The following ZMAT1 variants were observed in gnomAD, a reference collection of about 807,000 sequenced individuals.
ZMAT1 encodes the protein zinc finger matrin-type 1, also known as zinc finger matrin-type protein 1.
A neutral mutation model predicts 18.5 loss-of-function variants in ZMAT1; 11 were observed. The ratio of observed to expected loss-of-function variants is 0.59; its 90% CI spans 0.37 to 0.98. The LOEUF is 0.98. Ranked by LOEUF, ZMAT1 falls within the 50% of genes least tolerant of loss-of-function variation. The pLI is 0.01. For missense variants in ZMAT1, 525 were observed against 496.2 expected, an observed-to-expected ratio of 1.06 and a Z score of -0.55; for synonymous variants, 211 against 176.4, an observed-to-expected ratio of 1.20 and a Z score of -1.55.
At chrX:101,927,056 G>A (rs757989159) in intron 1 of ZMAT1, among the ~76,000 whole-genome samples, 106 of 112,313 alleles carry the variant, frequency 9.4e-4, no homozygotes, top group African/African-American at 3.2e-3. Flanking sequence ...TACAAAATCT[G>A]AGAAATAATC....
At chrX:101,930,907 G>T (rs1930437203) in intron 1 of ZMAT1, among the ~76,000 whole-genome samples, 1 of 112,228 alleles carries the variant, frequency 8.9e-6, no homozygotes, top group Non-Finnish European at 1.9e-5. Flanking sequence ...ATCTTTTTAT[G>T]TTAGGAGTAA....
At chrX:101,924,485 A>T (rs1456157259) in intron 1 of ZMAT1, among the ~76,000 whole-genome samples, 3 of 112,304 alleles carry the variant, frequency 2.7e-5, no homozygotes, top group African/African-American at 9.7e-5. Flanking sequence ...TATGAAGTGG[A>T]ATATACCATC....
chrX:101,920,457 G>A (rs1929647098), intron 1 of ZMAT1, among the ~76,000 whole-genome samples: 1 of 110,904 alleles, frequency 9.0e-6, no homozygotes, highest in Non-Finnish European at 1.9e-5. Flanking sequence ...TCTCTTTGTG[G>A]GTGTAATAAA....
chrX:101,891,323 C>G (rs1927376591), intron 4 of ZMAT1, among the ~76,000 whole-genome samples: 1 of 111,456 alleles, frequency 9.0e-6, no homozygotes, highest in African/African-American at 3.3e-5. Flanking sequence ...GGGTGGTGAT[C>G]CCATTAACTG....
intron 1 of ZMAT1, among the ~76,000 whole-genome samples, chrX:101,907,255 C>G (rs12836059): frequency 8.9e-6 from 1 of 111,782 alleles, no homozygotes; most frequent in Non-Finnish European, 1.9e-5. Context: ...TGGATACAGG[C>G]TCCAGGCCTG....
chrX:101,908,025 C>G (rs1466302533), intron 1 of ZMAT1, among the ~76,000 whole-genome samples: 1 of 112,019 alleles, frequency 8.9e-6, no homozygotes, highest in Admixed American at 9.4e-5. Context: ...ATTACATGGA[C>G]TAAAAAGGCT....
At position 101,931,720 on chromosome X, in the gene ZMAT1, C is replaced by G. The variant is rs1405452515; in HGVS notation, c.289G>C (p.Glu97Gln). The G allele has an allele frequency of 1.1e-5, 8 of 761,038 alleles. No individual in the cohort carries two copies. The highest frequency in any genetic ancestry group is 4.7e-6 in the Non-Finnish European group (3 of 644,254). The allele number at this position is 761,038 out of a possible 1,213,427, so 62.7% of individuals were successfully genotyped here. ...FKVDTRPCLREDAIWNEQEKA... is the reference protein window; with the variant it reads ...FKVDTRPCLRQDAIWNEQEKA... The stretch of plus-strand genomic sequence containing the variant: ...GCACCCCGGGACGGGAACTCACCTT[C>G]TCTGAGGCAAGGGCGGGTGTCTACT... The change falls in exon 1 of 6, where the codon GAA (glutamate) becomes CAA (glutamine). Residue 97 changes from glutamate (E) to glutamine (Q), a missense_variant. Transcript: ENST00000651725.
At chrX:101,895,748 T>C in intron 4 of ZMAT1, 4 of 581,406 alleles carry the variant, frequency 6.9e-6, no homozygotes, top group Non-Finnish European at 8.3e-6. Context: ...TTGCAAAATT[T>C]GTTCGGATTA....
intron 1 of ZMAT1, among the ~76,000 whole-genome samples, chrX:101,923,533 A>T (rs774150295): frequency 5.4e-5 from 6 of 111,317 alleles, no homozygotes; most frequent in Non-Finnish European, 9.4e-5. Context: ...GTTAACACAA[A>T]CCTTTAAGGG....
At chrX:101,920,215 T>C (rs1031441812) in intron 1 of ZMAT1, among the ~76,000 whole-genome samples, 2 of 109,985 alleles carry the variant, frequency 1.8e-5, no homozygotes, top group African/African-American at 3.3e-5. Context: ...ATTTTTTTAT[T>C]TTTTGTAGAG....
intron 1 of ZMAT1, among the ~76,000 whole-genome samples, chrX:101,908,591 G>T (rs1273719325): frequency 9.0e-6 from 1 of 111,629 alleles, no homozygotes; most frequent in Non-Finnish European, 1.9e-5. Flanking sequence ...AGCATTTCTG[G>T]ATGCTGGAAG....
intron 1 of ZMAT1, chrX:101,911,717 C>T: frequency 8.3e-7 from 1 of 1,207,966 alleles, no homozygotes; most frequent in Non-Finnish European, 1.1e-6. Context: ...CATTCAGCAT[C>T]AGAGGATCCA....
In ZMAT1 at chrX:101,910,757, C is replaced by A. The variant is rs780879878; in HGVS notation, c.293-6427G>T. 1.3e-4 allele frequency among the ~76,000 whole-genome samples: 14 copies of A among 111,425 alleles called. No homozygotes were observed. The South Asian group carries it at 4.9e-3, about 39-fold the overall frequency. On this transcript the variant is annotated intron_variant, in intron 1 of 5. Coordinates refer to ENST00000651725, the MANE Select transcript of ZMAT1 (RefSeq NM_001394560.1). ...AGACAAAAGAAAAAAGAATAAAAAA[C>A]AATGACACACACCTACAGGAACTAG...
Position 101,901,488 on chromosome X carries a change from CA to C in ZMAT1, c.399+2735del, listed in dbSNP as rs895886237. Among the ~76,000 whole-genome samples, 25 of 111,240 alleles carry C rather than the reference CA, an allele frequency of 2.2e-4. No individual in the cohort carries two copies. The East Asian group carries it at 2.5e-3, about 11-fold the overall frequency. ...ATAATTTTAAAATGTGAAATATACC[CA>C]TTGTATAGGAAAGAACAGGAAACAA... On this transcript the variant is annotated intron_variant, in intron 2 of 5. Coordinates refer to ENST00000651725, the MANE Select transcript of ZMAT1 (RefSeq NM_001394560.1).
At chrX:101,894,685 G>C (rs1424555027) in intron 4 of ZMAT1, 10 of 716,684 alleles carry the variant, frequency 1.4e-5, no homozygotes, top group Non-Finnish European at 1.6e-5. Context: ...AGCCCATAGA[G>C]AAAACAAAAA....
Position 101,931,864 on chromosome X carries a change from C to A in ZMAT1, c.145G>T (p.Ala49Ser). 1 of 797,853 alleles carries A rather than the reference C, an allele frequency of 1.3e-6. No homozygotes were observed. The highest frequency in any genetic ancestry group is 1.5e-6 in the Non-Finnish European group (1 of 671,008). 65.8% of individuals were successfully genotyped at this position (797,853 alleles called of 1,213,427 possible). ...GCAGGGGCGGAGGTGGCGGAGGAGG[C>A]AGGAACAATTACTGCCGCCGCCGCC... ...AAAAAAVIVP[A>S]SSATSAPACP... Residue 49 changes from alanine (A) to serine (S), a missense_variant, in exon 1 of 6, where the codon GCC (alanine) becomes TCC (serine). Physicochemically the swap from Ala to Ser is moderately conservative, Grantham distance 99 (BLOSUM62 1). Transcript: ENST00000651725.
At position 101,884,171 on chromosome X, in the gene ZMAT1, T is replaced by C; in HGVS notation, c.1427A>G (p.Asp476Gly). 1 of 1,211,221 alleles carries C rather than the reference T, an allele frequency of 8.3e-7. No individual in the cohort carries two copies. Among genetic ancestry groups the C allele is most frequent in the Non-Finnish European group, 1.1e-6 (1 of 895,345 alleles). ...GTTCCTGTGTGTTTCTACAGAGCTA[T>C]CTCCTATCTTTCTGAAACAAGTTTT... ...EPKTCFRKIGDSSVETHRNRE... is the reference protein window; with the variant it reads ...EPKTCFRKIGGSSVETHRNRE... The change falls in exon 6 of 6, where the codon GAT becomes GGT. Residue 476 changes from aspartate (D) to glycine (G), a missense_variant. Transcript: ENST00000651725.
chrX:101,925,091 G>A (rs1929974870), intron 1 of ZMAT1, among the ~76,000 whole-genome samples: 1 of 112,199 alleles, frequency 8.9e-6, no homozygotes, highest in Admixed American at 9.5e-5. Context: ...AAGGACAGCT[G>A]CCCTGCAGAG....
rs1217126165 is a variant in ZMAT1 at position 101,883,678 on chromosome X, C to T, written c.1920G>A (p.Glu640=). 11 of 1,208,461 alleles carry T rather than the reference C, an allele frequency of 9.1e-6. No homozygotes were observed. The highest frequency in any genetic ancestry group is 3.4e-6 in the Non-Finnish European group (3 of 894,687). ...DKSIRQRKRE[E]DRVKVSSGKL... is the part of the protein sequence containing the mutation. ...TTCCTGAACTGACCTTGACTCTATC[C>T]TCCTCTCTTTTCCTTTGTCTGATGC... The change falls in exon 6 of 6, where the codon GAG becomes GAA. Residue 640 remains glutamate (E), a synonymous_variant. Coordinates refer to ENST00000651725, the MANE Select transcript of ZMAT1 (RefSeq NM_001394560.1).
Sources: allele counts gnomAD v4.1 joint callset (sites outside exome capture counted in the v4.1 genomes callset), GRCh38; gene constraint gnomAD v4.1.1; transcripts MANE v1.5; gene names NCBI Gene and HGNC (gene_info 2026-07-23, HGNC 2026-07-21).